Variants in UTS2B observed in about 807,000 individuals in gnomAD.
UTS2B encodes urotensin-2B.
UTS2B carries 21 observed loss-of-function variants against 19.2 expected under a neutral mutation model. The ratio of observed to expected loss-of-function variants is 1.09; its 90% CI spans 0.78 to 1.58. The LOEUF (loss-of-function observed/expected upper bound fraction) is 1.58. UTS2B is among the 40% of genes most tolerant of loss of function. The pLI is 0.00. For missense variants in UTS2B, 138 were observed against 130.3 expected (o/e 1.06, Z -0.29); for synonymous variants, 57 against 50.2 (o/e 1.14, Z -0.58).
intron 4 of UTS2B, among the ~76,000 whole-genome samples, chr3:191,288,751 A>G (rs2603668): frequency 0.51 from 77,004 of 151,906 alleles, 21,212 homozygotes; most frequent in Middle Eastern, 0.63. Flanking sequence ...GTATATCACT[A>G]TTTACTACTT....
intron 2 of UTS2B, among the ~76,000 whole-genome samples, chr3:191,317,464 G>C (rs915511487): frequency 1.3e-5 from 2 of 152,106 alleles, no homozygotes; most frequent in African/African-American, 4.8e-5. Context: ...GCAGCTGCGG[G>C]CGAAGGGCTC....
intron 8 of UTS2B, among the ~76,000 whole-genome samples, chr3:191,272,859 G>A (rs575284367): frequency 5.7e-4 from 67 of 117,746 alleles, no homozygotes; most frequent in African/African-American, 2.1e-3. Context: ...GCAAAACTCC[G>A]TCTAAAAAAA....
chr3:191,309,644 G>A (rs1029006393), intron 3 of UTS2B, among the ~76,000 whole-genome samples: 3 of 152,122 alleles, frequency 2.0e-5, no homozygotes, highest in African/African-American at 7.2e-5. Flanking sequence ...GATCACAGGG[G>A]CAGAGTTCTC....
chr3:191,271,311 T>G (rs1284552491), intron 8 of UTS2B, among the ~76,000 whole-genome samples: 1 of 152,032 alleles, frequency 6.6e-6, no homozygotes. Context: ...ATTGCTTCCT[T>G]GCCTTTCTCA....
intron 8 of UTS2B, 65 bp downstream of exon 8, chr3:191,275,187 C>G: frequency 1.6e-6 from 2 of 1,282,198 alleles, no homozygotes; most frequent in Non-Finnish European, 1.1e-6. Flanking sequence ...TCTTCTTCCT[C>G]TCAGAAATTA....
At chr3:191,331,775 C>T (rs1223763718), upstream of UTS2B, among the ~76,000 whole-genome samples, 1 of 152,132 alleles carries the variant, frequency 6.6e-6, no homozygotes, top group Non-Finnish European at 1.5e-5. Context: ...AATTATGGCC[C>T]AGTTACTCCC....
At chr3:191,338,998 C>G in the UTS2B span, among the ~76,000 whole-genome samples, 1 of 152,120 alleles carries the variant, frequency 6.6e-6, no homozygotes, top group South Asian at 2.1e-4. Flanking sequence ...GCTATTTTCT[C>G]TTTTAAATTT....
At chr3:191,323,488 G>A (rs190402335) in intron 2 of UTS2B, among the ~76,000 whole-genome samples, 5 of 152,184 alleles carry the variant, frequency 3.3e-5, no homozygotes, top group Non-Finnish European at 7.4e-5. Flanking sequence ...TTATTTTCTC[G>A]CAAATCTAAG....
chr3:191,340,998 T>TA, the UTS2B span, among the ~76,000 whole-genome samples: 1 of 151,796 alleles, frequency 6.6e-6, no homozygotes, highest in Non-Finnish European at 1.5e-5. Context: ...ATTAATTTTT[T>TA]TTTTTTTGGT....
At chr3:191,292,696 A>C (rs1487405438) in intron 4 of UTS2B, among the ~76,000 whole-genome samples, 2 of 152,208 alleles carry the variant, frequency 1.3e-5, no homozygotes, top group Non-Finnish European at 2.9e-5. Context: ...ATGTTGAATA[A>C]AAGTGGTGAA....
chr3:191,332,456 G>A (rs886465915), upstream of UTS2B, among the ~76,000 whole-genome samples: 6 of 152,150 alleles, frequency 3.9e-5, no homozygotes, highest in Non-Finnish European at 7.4e-5. Flanking sequence ...TGGAACATCT[G>A]TATACTTTTT....
At chr3:191,314,032 C>T (rs1481525371) in intron 3 of UTS2B, among the ~76,000 whole-genome samples, 1 of 152,112 alleles carries the variant, frequency 6.6e-6, no homozygotes, top group Non-Finnish European at 1.5e-5. Flanking sequence ...CACCAGGCCC[C>T]TCCACTTGTT....
At chr3:191,307,666 A>C (rs1311542347) in intron 3 of UTS2B, among the ~76,000 whole-genome samples, 2 of 152,046 alleles carry the variant, frequency 1.3e-5, no homozygotes, top group Non-Finnish European at 2.9e-5. Context: ...ACTTTCCTGC[A>C]CTTTCAGCCT....
intron 2 of UTS2B, among the ~76,000 whole-genome samples, chr3:191,318,383 C>T (rs1190843531): frequency 6.6e-6 from 1 of 152,252 alleles, no homozygotes; most frequent in African/African-American, 2.4e-5. Context: ...ATTTCCTAAA[C>T]TATAGGCCTC....
chr3:191,310,939 TTCAGAA>T (rs1407168065), intron 3 of UTS2B, among the ~76,000 whole-genome samples: 2 of 152,332 alleles, frequency 1.3e-5, no homozygotes, highest in East Asian at 3.9e-4. Context: ...GACGTACAGT[TTCAGAA>T]GCTGCAACTG....
chr3:191,270,536 AC>A (rs551271877), intron 8 of UTS2B, among the ~76,000 whole-genome samples: 155 of 152,274 alleles, frequency 1.0e-3, no homozygotes, highest in African/African-American at 3.4e-3. Flanking sequence ...TTAAAAATAA[AC>A]AAAAAAGGTT....
chr3:191,339,357 T>C, the UTS2B span, among the ~76,000 whole-genome samples: 18 of 152,174 alleles, frequency 1.2e-4, no homozygotes, highest in African/African-American at 3.9e-4. Flanking sequence ...AGTTATGATA[T>C]AAAATTTTCT....
rs554971154 is a variant in UTS2B at position 191,294,883 on chromosome 3, T to G, written c.-125+9609A>C. Among the ~76,000 whole-genome samples, 232 of 151,720 alleles carry G rather than the reference T, an allele frequency of 1.5e-3. 4 individuals carry two copies. Among genetic ancestry groups the G allele is most frequent in the African/African-American group, 5.2e-3 (212 of 41,134 alleles). On this transcript the variant is annotated intron_variant, in intron 4 of 8. Coordinates refer to ENST00000340524, the MANE Select transcript of UTS2B (RefSeq NM_198152.5). ...ATCTCTACTAAAAATACAAAAACAG[T>G]AGCCGGGCATGTTGGCAGGCGCCTG...
At chr3:191,330,326 C>CACACACACACACACACACAG (rs550009593) in intron 1 of UTS2B, 88 bp downstream of exon 1, 1 of 147,660 alleles carries the variant, frequency 6.8e-6, no homozygotes, top group Non-Finnish European at 1.5e-5. Flanking sequence ...CACACACACA[C>CACACACACACACACACACAG]ACAATAGTGA....
Sources: allele counts gnomAD v4.1 joint callset (sites outside exome capture counted in the v4.1 genomes callset), GRCh38; gene constraint gnomAD v4.1.1; transcripts MANE v1.5; gene names NCBI Gene and HGNC (gene_info 2026-07-23, HGNC 2026-07-21).